ZZZ3: variants seen among roughly 807,000 people sequenced by gnomAD.
The protein encoded by ZZZ3 is ZZ-type zinc finger-containing protein 3.
A neutral mutation model predicts 95.2 loss-of-function variants in ZZZ3; 22 were observed. The observed-to-expected ratio is 0.23, with a 90% CI of 0.17 to 0.33. The LOEUF is 0.33. ZZZ3 is among the 10% of genes least tolerant of loss of function. ZZZ3 has a pLI of 1.00. For missense variants in ZZZ3, 885 were observed against 1,066.5 expected, an observed-to-expected ratio of 0.83 and a Z score of 2.37; for synonymous variants, 335 against 358.9, an observed-to-expected ratio of 0.93 and a Z score of 0.75.
At chr1:77,624,104 T>C (rs1667125247) in intron 5 of ZZZ3, among the ~76,000 whole-genome samples, 1 of 152,182 alleles carries the variant, frequency 6.6e-6, no homozygotes. Context: ...GTAAATATAT[T>C]GGTCTCTACT....
At chr1:77,629,891 T>C (rs958544162) in intron 5 of ZZZ3, among the ~76,000 whole-genome samples, 2 of 152,128 alleles carry the variant, frequency 1.3e-5, no homozygotes. Context: ...CCTCAAAGGG[T>C]TATGAATGTG....
Position 77,581,760 on chromosome 1 carries a change from A to G in ZZZ3, c.1908+16T>C, listed in dbSNP as rs1230381716. 1.9e-6 allele frequency: 3 copies of G among 1,582,090 alleles called. No individual in the cohort carries two copies. The African/African-American group carries it at 4.1e-5, about 22-fold the overall frequency. On this transcript the variant is annotated intron_variant, in intron 8 of 14. Coordinates refer to ENST00000370801, the MANE Select transcript of ZZZ3 (RefSeq NM_015534.6). ...AAAATTCAAATTCTCCTACTCCAAT[A>G]TTTCACACTGCTTACCTGAGGACGA...
Position 77,632,218 on chromosome 1 carries a change from T to A in ZZZ3, c.1137A>T (p.Arg379Ser). Reference protein sequence around the residue: ...SEPQEHRYTLRTSPRRAAPTR... With the variant: ...SEPQEHRYTLSTSPRRAAPTR... Reference sequence around the variant, plus strand: ...TAGGGGCTGCCCTTCGTGGTGAGGTTCTCAGAGTATAACGATGTTCTTGAG... The same window carrying A: ...TAGGGGCTGCCCTTCGTGGTGAGGTACTCAGAGTATAACGATGTTCTTGAG... Residue 379 changes from arginine to serine, a missense_variant, in exon 5 of 15, where the codon AGA (arginine) becomes AGT (serine). Coordinates refer to ENST00000370801, the MANE Select transcript of ZZZ3 (RefSeq NM_015534.6). The A allele has an allele frequency of 6.2e-7, 1 of 1,614,076 alleles. No homozygotes were observed. The highest frequency in any genetic ancestry group is 8.5e-7 in the Non-Finnish European group (1 of 1,180,024).
At chr1:77,674,369 C>A (rs1672065261) in intron 1 of ZZZ3, among the ~76,000 whole-genome samples, 1 of 152,264 alleles carries the variant, frequency 6.6e-6, no homozygotes, top group South Asian at 2.1e-4. Context: ...ACAATACATA[C>A]TGTATAAATC....
At chr1:77,573,206 G>A (rs1661583477) in intron 12 of ZZZ3, among the ~76,000 whole-genome samples, 1 of 152,046 alleles carries the variant, frequency 6.6e-6, no homozygotes, top group South Asian at 2.1e-4. Context: ...GGCAACCTCT[G>A]CCTCCCGGGT....
intron 5 of ZZZ3, among the ~76,000 whole-genome samples, chr1:77,627,305 G>C (rs1003675662): frequency 8.5e-5 from 13 of 152,114 alleles, no homozygotes; most frequent in African/African-American, 2.7e-4. Context: ...AGTCAAATGA[G>C]AAACTAATGA....
intron 1 of ZZZ3, among the ~76,000 whole-genome samples, chr1:77,644,219 C>T (rs1231545477): frequency 2.6e-5 from 4 of 152,144 alleles, no homozygotes; most frequent in African/African-American, 4.8e-5. Flanking sequence ...GCGCCTGCCA[C>T]CACGCCCATT....
rs200866808 is a variant in ZZZ3 at position 77,579,636 on chromosome 1, A to G, written c.1981-8T>C. The G allele has an allele frequency of 3.1e-3, 4,781 of 1,532,248 alleles. 18 individuals carry two copies. Among genetic ancestry groups the G allele is most frequent in the Non-Finnish European group, 3.7e-3 (4,242 of 1,135,896 alleles). The allele number at this position is 1,532,248 out of a possible 1,614,324, so 94.9% of individuals were successfully genotyped here. On this transcript the variant is annotated splice_region_variant and splice_polypyrimidine_tract_variant and intron_variant, in intron 9 of 14. Transcript: ENST00000370801. The stretch of plus-strand genomic sequence containing the variant: ...TAGCTGTTCCAGCTTTTTCTAAGCC[A>G]TACCCAAGACCAAATTTAAGAAAAT...
At chr1:77,590,813 G>C (rs1344791320) in intron 5 of ZZZ3, among the ~76,000 whole-genome samples, 1 of 152,202 alleles carries the variant, frequency 6.6e-6, no homozygotes, top group Non-Finnish European at 1.5e-5. Flanking sequence ...GATATTTGCG[G>C]AAGTATGAGT....
At chr1:77,592,979 T>C (rs1291783858) in intron 5 of ZZZ3, among the ~76,000 whole-genome samples, 2 of 152,202 alleles carry the variant, frequency 1.3e-5, no homozygotes, top group Non-Finnish European at 1.5e-5. Context: ...TGGGGCACTT[T>C]TGCCTGGAGC....
In ZZZ3 at chr1:77,658,197, A is replaced by C. The variant is rs796792367; in HGVS notation, c.-402-16542T>G. On this transcript the variant is annotated intron_variant, in intron 1 of 14. Coordinates refer to ENST00000370801, the MANE Select transcript of ZZZ3 (RefSeq NM_015534.6). ...TTGTCTCAAAAAAAAAAAAAAAAAAAAAAAACACAACATACTAGTGTATTC... is the reference window on the plus strand; with the variant it reads ...TTGTCTCAAAAAAAAAAAAAAAAAACAAAAACACAACATACTAGTGTATTC... Among the ~76,000 whole-genome samples, 274 of 151,640 alleles carry C rather than the reference A, an allele frequency of 1.8e-3. 3 individuals are homozygous for C. The highest frequency in any genetic ancestry group is 6.4e-3 in the African/African-American group (264 of 41,398).
In ZZZ3 at chr1:77,565,649, T is replaced by C. The variant is rs748382394; in HGVS notation, c.2703A>G (p.Ala901=). ...GATGTTCTCTTCCATGTCATCTGTT[T>C]GCTGGAAAGTAGTTTGGGTCAAGGT... ...YNYLDPNYFP[A]NR is the part of the protein sequence containing the mutation. Residue 901 remains alanine (A), a synonymous_variant, in exon 15 of 15, where the codon GCA becomes GCG. Coordinates refer to ENST00000370801, the MANE Select transcript of ZZZ3 (RefSeq NM_015534.6). 6.2e-7 allele frequency: 1 copy of C among 1,613,830 alleles called. No individual in the cohort carries two copies. Among genetic ancestry groups the C allele is most frequent in the Non-Finnish European group, 8.5e-7 (1 of 1,179,794 alleles).
At chr1:77,670,534 C>T (rs1455365245) in intron 1 of ZZZ3, among the ~76,000 whole-genome samples, 1 of 152,090 alleles carries the variant, frequency 6.6e-6, no homozygotes, top group Non-Finnish European at 1.5e-5. Flanking sequence ...GCTGGGTTTA[C>T]AGGCATGATG....
At chr1:77,655,339 T>C (rs1410408615) in intron 1 of ZZZ3, among the ~76,000 whole-genome samples, 1 of 152,218 alleles carries the variant, frequency 6.6e-6, no homozygotes, top group Non-Finnish European at 1.5e-5. Context: ...TTAATATTTA[T>C]ATAATGTGAT....
At chr1:77,613,535 G>C (rs914515855) in intron 5 of ZZZ3, among the ~76,000 whole-genome samples, 3 of 151,162 alleles carry the variant, frequency 2.0e-5, no homozygotes, top group Non-Finnish European at 4.4e-5. Context: ...CTTGGTATAT[G>C]TTTATATGGT....
intron 1 of ZZZ3, among the ~76,000 whole-genome samples, chr1:77,662,889 G>A (rs529692919): frequency 7.2e-5 from 11 of 152,268 alleles, no homozygotes; most frequent in African/African-American, 2.2e-4. Flanking sequence ...AGGATCCCTC[G>A]ATCTCAGGAG....
At chr1:77,671,029 T>C (rs1183730741) in intron 1 of ZZZ3, among the ~76,000 whole-genome samples, 1 of 150,648 alleles carries the variant, frequency 6.6e-6, no homozygotes, top group Non-Finnish European at 1.5e-5. Flanking sequence ...GGGGGTTGTT[T>C]TTTTTAAAAA....
At chr1:77,677,509 T>C (rs573679506) in intron 1 of ZZZ3, among the ~76,000 whole-genome samples, 1 of 152,326 alleles carries the variant, frequency 6.6e-6, no homozygotes, top group Non-Finnish European at 1.5e-5. Context: ...TAAATGTTGA[T>C]GAGTATAGGG....
At chr1:77,604,237 A>G (rs1403685070) in intron 5 of ZZZ3, among the ~76,000 whole-genome samples, 3 of 152,210 alleles carry the variant, frequency 2.0e-5, no homozygotes, top group Admixed American at 1.3e-4. Context: ...ATTAAATTAG[A>G]TTCTCTAAGG....
Sources: allele counts gnomAD v4.1 joint callset (sites outside exome capture counted in the v4.1 genomes callset), GRCh38; gene constraint gnomAD v4.1.1; transcripts MANE v1.5; gene names NCBI Gene and HGNC (gene_info 2026-07-23, HGNC 2026-07-21).